CFAP74: variants seen among roughly 807,000 people sequenced by gnomAD.
CFAP74 encodes the protein cilia and flagella associated protein 74, also known as cilia- and flagella-associated protein 74.
In CFAP74, 124 loss-of-function variants were observed where a neutral mutation model predicts 188.9. That is an observed-to-expected ratio of 0.66 (90% CI 0.57 to 0.76). CFAP74 has a LOEUF of 0.76. Among genes scored for constraint, CFAP74 ranks in the 30% least tolerant of loss-of-function variants. The pLI is 0.00. For synonymous variants in CFAP74, 956 were observed against 916.7 expected, an observed-to-expected ratio of 1.04 and a Z score of -0.77; for missense variants, 2,198 against 2,165.2, an observed-to-expected ratio of 1.02 and a Z score of -0.30.
intron 28 of CFAP74, chr1:1,927,302 G>A (rs988902235): frequency 3.5e-6 from 2 of 575,578 alleles, no homozygotes; most frequent in Non-Finnish European, 6.1e-6. Context: ...CCTTCCCGGG[G>A]CCACAGGCAC....
Position 1,925,782 on chromosome 1 carries a change from C to T in CFAP74, c.4104+1G>A. On this transcript the variant is annotated splice_donor_variant, in intron 33 of 38. Transcript: ENST00000682832. LOFTEE classifies it high-confidence loss of function. ...AGCACCAGGGCCCACGTGTGCTTCA[C>T]CTTGAAGCCTGAGGACACAGACTCT... 6.2e-7 allele frequency: 1 copy of T among 1,610,766 alleles called. No individual in the cohort carries two copies. Among genetic ancestry groups the T allele is most frequent in the Non-Finnish European group, 8.5e-7 (1 of 1,178,586 alleles).
chr1:1,963,251 G>A (rs1655216043), intron 14 of CFAP74, among the ~76,000 whole-genome samples: 1 of 152,056 alleles, frequency 6.6e-6, no homozygotes, highest in Non-Finnish European at 1.5e-5. Flanking sequence ...AGGAGTTCGA[G>A]ACCAGCCTGG....
intron 27 of CFAP74, among the ~76,000 whole-genome samples, chr1:1,928,096 C>G (rs946057792): frequency 3.3e-5 from 5 of 152,130 alleles, no homozygotes; most frequent in Middle Eastern, 3.2e-3. Flanking sequence ...CCAGGAGGAA[C>G]CCAGGCCGGG....
chr1:1,960,766 C>T (rs1457768812), intron 14 of CFAP74, among the ~76,000 whole-genome samples: 1 of 152,242 alleles, frequency 6.6e-6, no homozygotes, highest in African/African-American at 2.4e-5. Flanking sequence ...TGCTTTGGTG[C>T]CGACTGCACA....
intron 37 of CFAP74, 53 bp downstream of exon 37, chr1:1,922,932 C>T: frequency 6.5e-7 from 1 of 1,528,828 alleles, no homozygotes; most frequent in African/African-American, 1.4e-5. Flanking sequence ...CTGCCCAGGG[C>T]AGGGGAGGCC....
Position 1,927,726 on chromosome 1 carries a change from G to C in CFAP74, c.3408C>G (p.Pro1136=), listed in dbSNP as rs920413345. ...ETKSFRKNMA[P]QRKDLHGLSF... is the part of the protein sequence containing the mutation. The stretch of plus-strand genomic sequence containing the variant: ...ACAGTCCATGCAGGTCCTTCCTCTG[G>C]GGGGCCATATTCTTTCGGAACTGTG... Residue 1136 remains proline, a synonymous_variant, in exon 28 of 39, where the codon CCC becomes CCG. Coordinates refer to ENST00000682832, the MANE Select transcript of CFAP74 (RefSeq NM_001304360.2). 3.6e-5 allele frequency: 56 copies of C among 1,550,006 alleles called. No homozygotes were observed. The highest frequency in any genetic ancestry group is 4.8e-5 in the Non-Finnish European group (55 of 1,146,804).
intron 13 of CFAP74, 102 bp from the exon 14 acceptor site, chr1:1,963,969 C>G (rs976817451): frequency 9.0e-6 from 7 of 774,350 alleles, no homozygotes; most frequent in Non-Finnish European, 1.6e-5. Context: ...GAGCATTTGC[C>G]AACTAGGGAG....
At chr1:1,956,531 C>A in intron 17 of CFAP74, 89 bp downstream of exon 17, 2 of 1,509,108 alleles carry the variant, frequency 1.3e-6, no homozygotes, top group African/African-American at 1.4e-5. Context: ...ACTGTTGATA[C>A]CCTCATGTTG....
chr1:1,931,005 T>G, intron 25 of CFAP74, among the ~76,000 whole-genome samples: 1 of 152,214 alleles, frequency 6.6e-6, no homozygotes, highest in East Asian at 1.9e-4. Flanking sequence ...GTCCTAATTG[T>G]ATATATTTTA....
In CFAP74 at chr1:1,986,963, G is replaced by A. The variant is rs1175781776; in HGVS notation, c.369C>T (p.Ile123=). ...DKQQEAVAAE[I]ATEEEAGNMA... is the part of the protein sequence containing the mutation. ...TGTTGCCCGCCTCTTCCTCTGTGGCGATCTCGGCTGCCACAGCCTCCTGCT... is the reference window on the plus strand; with the variant it reads ...TGTTGCCCGCCTCTTCCTCTGTGGCAATCTCGGCTGCCACAGCCTCCTGCT... The change falls in exon 5 of 39, where the codon ATC becomes ATT. Residue 123 remains isoleucine, a synonymous_variant. Coordinates refer to ENST00000682832, the MANE Select transcript of CFAP74 (RefSeq NM_001304360.2). 5.0e-6 allele frequency: 8 copies of A among 1,601,588 alleles called. No individual in the cohort carries two copies. The highest frequency in any genetic ancestry group is 1.3e-5 in the African/African-American group (1 of 74,898).
chr1:1,922,746 AG>A, intron 37 of CFAP74, 23 bp from the exon 38 acceptor site: 1 of 1,596,148 alleles, frequency 6.3e-7, no homozygotes, highest in African/African-American at 1.3e-5. Context: ...GGGCTCCTGT[AG>A]GCTGGCGACC....
chr1:1,959,362 G>C (rs1287509946), intron 15 of CFAP74, among the ~76,000 whole-genome samples, 153 bp from the exon 16 acceptor site: 2 of 146,966 alleles, frequency 1.4e-5, no homozygotes, highest in African/African-American at 2.5e-5. Context: ...CCCCCACCTG[G>C]GGTCCAAGCG....
intron 18 of CFAP74, among the ~76,000 whole-genome samples, chr1:1,950,600 A>C (rs1052112230): frequency 2.6e-5 from 4 of 152,254 alleles, no homozygotes; most frequent in African/African-American, 4.8e-5. Flanking sequence ...TCGGCCGCCC[A>C]AAGTGCTGGG....
At position 1,927,887 on chromosome 1, in the gene CFAP74, G is replaced by A. The variant is rs1471104625; in HGVS notation, c.3388-141C>T. 2.5e-5 allele frequency: 23 copies of A among 906,378 alleles called. No homozygotes were observed. In the East Asian group the frequency reaches 3.5e-4, roughly 14 times the overall value. 56.1% of individuals were successfully genotyped at this position (906,378 alleles called of 1,614,324 possible). The stretch of plus-strand genomic sequence containing the variant: ...TGTGGGGACGCAAAAGCCGACCGGC[G>A]CCCGAGGAAGACAGTAGCCAGTGCG... On this transcript the variant is annotated intron_variant, in intron 27 of 38. Transcript: ENST00000682832.
In CFAP74 at chr1:1,973,156, G is replaced by T. The variant is rs372162259; in HGVS notation, c.675-109C>A. Reference sequence around the variant, plus strand: ...TCCCAGAGACGCCGTGGGCCCTTTCGCTCAGCTCTGTCCCGCACAGCCTCC... The same window carrying T: ...TCCCAGAGACGCCGTGGGCCCTTTCTCTCAGCTCTGTCCCGCACAGCCTCC... On this transcript the variant is annotated intron_variant, in intron 7 of 38. Transcript: ENST00000682832. This position sits in a 1 kb window ranked among gnomAD's most constrained non-coding sequence, Gnocchi z 6.2. 1.3e-6 allele frequency: 1 copy of T among 748,728 alleles called. No individual in the cohort carries two copies. The highest frequency in any genetic ancestry group is 2.7e-5 in the East Asian group (1 of 37,118). 46.4% of individuals were successfully genotyped at this position (748,728 alleles called of 1,614,324 possible).
chr1:1,939,449 C>A (rs374435152), intron 24 of CFAP74, 145 bp downstream of exon 24: 3 of 786,942 alleles, frequency 3.8e-6, no homozygotes. Flanking sequence ...GGTGGGGAGG[C>A]CCAGGTGTGG....
chr1:1,940,311 C>T lies in CFAP74; in HGVS notation c.2703+5G>A. 6 of 1,535,252 alleles carry T rather than the reference C, an allele frequency of 3.9e-6. No individual in the cohort carries two copies. Among genetic ancestry groups the T allele is most frequent in the Non-Finnish European group, 5.2e-6 (6 of 1,146,370 alleles). On this transcript the variant is annotated splice_donor_5th_base_variant and intron_variant, in intron 23 of 38. Transcript: ENST00000682832. Reference sequence around the variant, plus strand: ...AGCATCCCTGGGAAGTGCCCCAACACAGACCTGGTCGGCAACCCATATGGT... The same window carrying T: ...AGCATCCCTGGGAAGTGCCCCAACATAGACCTGGTCGGCAACCCATATGGT...
At chr1:1,946,886 C>A in intron 19 of CFAP74, 104 bp downstream of exon 19, 1 of 885,634 alleles carries the variant, frequency 1.1e-6, no homozygotes, top group Non-Finnish European at 1.8e-6. Flanking sequence ...AACGCAAGGG[C>A]CACCTAGCAG....
At chr1:1,950,071 C>T (rs2490541) in intron 18 of CFAP74, among the ~76,000 whole-genome samples, 59,479 of 152,082 alleles carry the variant, frequency 0.39, 13,925 homozygotes, top group Admixed American at 0.52. Context: ...TGCTGCTGAG[C>T]GTTTCGCTGG....
Sources: allele counts gnomAD v4.1 joint callset (sites outside exome capture counted in the v4.1 genomes callset), GRCh38; gene constraint gnomAD v4.1.1; non-coding constraint Gnocchi (gnomAD v3.1); transcripts MANE v1.5; gene names NCBI Gene and HGNC (gene_info 2026-07-23, HGNC 2026-07-21).